FOXP1: variants seen among roughly 807,000 people sequenced by gnomAD.
FOXP1 encodes forkhead box P1.
In FOXP1, 15 loss-of-function variants were observed where a neutral mutation model predicts 98.2. The ratio of observed to expected loss-of-function variants is 0.15; its 90% CI spans 0.10 to 0.24. FOXP1 has a LOEUF of 0.24. Ranked by LOEUF, FOXP1 falls within the 10% of genes least tolerant of loss-of-function variation. The pLI, the probability that FOXP1 is intolerant of heterozygous loss-of-function variation, is 1.00. For missense variants in FOXP1, 633 were observed against 848.5 expected (o/e 0.75, Z 3.15); for synonymous variants, 371 against 314.5 (o/e 1.18, Z -1.90).
chr3:71,337,559 T>A (rs182283922), intron 4 of FOXP1, among the ~76,000 whole-genome samples: 1 of 152,218 alleles, frequency 6.6e-6, no homozygotes, highest in Non-Finnish European at 1.5e-5. Context: ...GCTATACATA[T>A]ATTATCTCAA....
intron 5 of FOXP1, among the ~76,000 whole-genome samples, chr3:71,214,671 C>T (rs1319210694): frequency 2.0e-5 from 3 of 152,240 alleles, no homozygotes; most frequent in East Asian, 1.9e-4. Context: ...CTCCTAATAA[C>T]GAGCATGCTA....
At chr3:71,127,126 G>C (rs1179767945) in intron 6 of FOXP1, among the ~76,000 whole-genome samples, 1 of 152,102 alleles carries the variant, frequency 6.6e-6, no homozygotes, top group Non-Finnish European at 1.5e-5. Context: ...TTCAACGAAG[G>C]AGTCTGAACA....
chr3:71,563,629 T>A (rs957437173), intron 2 of FOXP1, among the ~76,000 whole-genome samples: 1 of 152,222 alleles, frequency 6.6e-6, no homozygotes, highest in African/African-American at 2.4e-5. Context: ...CTTCAATATG[T>A]AAATTTTTCT....
chr3:71,505,984 C>A (rs967252412), intron 2 of FOXP1, among the ~76,000 whole-genome samples: 3 of 152,360 alleles, frequency 2.0e-5, no homozygotes, highest in Non-Finnish European at 4.4e-5. Flanking sequence ...GTCTGCCTCT[C>A]TGGGCAAGAA....
intron 6 of FOXP1, among the ~76,000 whole-genome samples, chr3:71,191,736 A>G (rs1320100799): frequency 6.6e-6 from 1 of 152,180 alleles, no homozygotes; most frequent in African/African-American, 2.4e-5. Context: ...AACAGCCCCA[A>G]AGGGAATTAA....
rs145983794 is a variant in FOXP1 at position 71,484,767 on chromosome 3, A to G, written c.-168+8659T>C. ...GGGCCTGTGTCTCAGTGTGGGCCCGAAAGTCTGTATTTAATGCGCTTCCCA... is the reference window on the plus strand; with the variant it reads ...GGGCCTGTGTCTCAGTGTGGGCCCGGAAGTCTGTATTTAATGCGCTTCCCA... On this transcript the variant is annotated intron_variant, in intron 3 of 20. Transcript: ENST00000649528. Among the ~76,000 whole-genome samples, 380 of 152,226 alleles carry G rather than the reference A, an allele frequency of 2.5e-3. 4 individuals are homozygous for G. Among genetic ancestry groups the G allele is most frequent in the Admixed American group, 4.9e-3 (75 of 15,294 alleles).
chr3:71,381,238 C>T (rs831076), intron 3 of FOXP1, among the ~76,000 whole-genome samples: 46,552 of 150,314 alleles, frequency 0.31, 9,154 homozygotes, highest in East Asian at 0.89. Flanking sequence ...GCAAGCTCCG[C>T]CTCCCGGGTT....
At chr3:71,416,588 A>ACG (rs1469244287) in intron 3 of FOXP1, among the ~76,000 whole-genome samples, 13 of 147,730 alleles carry the variant, frequency 8.8e-5, no homozygotes, top group African/African-American at 3.3e-4. Flanking sequence ...ACACACACAC[A>ACG]CACACGCAAA....
At chr3:70,969,088 A>ATAGT (rs2035609157) in intron 19 of FOXP1, 2 of 151,850 alleles carry the variant, frequency 1.3e-5, no homozygotes, top group South Asian at 4.2e-4. Context: ...AATTAGTCAC[A>ATAGT]TAGTTAAGAG....
At chr3:71,273,537 A>C (rs1487027999) in intron 5 of FOXP1, among the ~76,000 whole-genome samples, 1 of 152,196 alleles carries the variant, frequency 6.6e-6, no homozygotes. Context: ...AAACATGCCC[A>C]TCCCCCTTCA....
chr3:71,070,406 A>G (rs1016376943), intron 7 of FOXP1, among the ~76,000 whole-genome samples: 7 of 152,196 alleles, frequency 4.6e-5, no homozygotes, highest in African/African-American at 1.4e-4. Context: ...CCTTCTTAGC[A>G]GTAATGGGCC....
intron 11 of FOXP1, among the ~76,000 whole-genome samples, chr3:71,025,554 T>C (rs1348561100): frequency 6.6e-6 from 1 of 152,240 alleles, no homozygotes. Context: ...CAAGTAATTG[T>C]TGCAAACTCA....
chr3:71,226,096 T>G (rs1226492188), intron 5 of FOXP1, among the ~76,000 whole-genome samples: 1 of 152,202 alleles, frequency 6.6e-6, no homozygotes, highest in Non-Finnish European at 1.5e-5. Context: ...ACTTCTATTT[T>G]TACAGTCACT....
chr3:71,152,649 G>A (rs1462134303), intron 6 of FOXP1, among the ~76,000 whole-genome samples: 1 of 152,198 alleles, frequency 6.6e-6, no homozygotes, highest in East Asian at 1.9e-4. Context: ...TGACCTTGAG[G>A]AAGTAACCTG....
chr3:71,231,810 T>C (rs577059358), intron 5 of FOXP1, among the ~76,000 whole-genome samples: 39 of 152,256 alleles, frequency 2.6e-4, no homozygotes, highest in Admixed American at 5.2e-4. Context: ...TATCAAAGAA[T>C]GTAGGGTGTC....
At chr3:71,033,602 CAAAAAAAA>C (rs35470748) in intron 11 of FOXP1, among the ~76,000 whole-genome samples, 9 of 70,690 alleles carry the variant, frequency 1.3e-4, no homozygotes, top group African/African-American at 2.5e-4. Flanking sequence ...AGTGAACAGT[CAAAAAAAA>C]AAAAAAAAAA....
chr3:71,473,828 T>C (rs1160517014), intron 3 of FOXP1, among the ~76,000 whole-genome samples: 1 of 152,130 alleles, frequency 6.6e-6, no homozygotes, highest in Non-Finnish European at 1.5e-5. Context: ...CCCTGCAAGC[T>C]ATGACACACA....
chr3:71,502,339 A>C (rs1232234396), intron 2 of FOXP1, among the ~76,000 whole-genome samples: 1 of 152,186 alleles, frequency 6.6e-6, no homozygotes, highest in African/African-American at 2.4e-5. Flanking sequence ...GCTGGCTGCC[A>C]TCTGGGTTCT....
chr3:70,956,244 C>A lies in FOXP1; in HGVS notation c.*3003G>T. On this transcript the variant is annotated 3_prime_UTR_variant, in exon 21 of 21. Transcript: ENST00000649528. Reference sequence around the variant, plus strand: ...CAGACACATCGGGATATATGTACAACGTAATAAACCCCATCCTAAAGAAGC... The same window carrying A: ...CAGACACATCGGGATATATGTACAAAGTAATAAACCCCATCCTAAAGAAGC... 4.3e-6 allele frequency: 1 copy of A among 233,294 alleles called. No individual in the cohort carries two copies. Among genetic ancestry groups the A allele is most frequent in the Non-Finnish European group, 8.5e-6 (1 of 117,896 alleles). 14.5% of individuals were successfully genotyped at this position (233,294 alleles called of 1,614,324 possible).
Sources: allele counts gnomAD v4.1 joint callset (sites outside exome capture counted in the v4.1 genomes callset), GRCh38; gene constraint gnomAD v4.1.1; transcripts MANE v1.5; gene names NCBI Gene and HGNC (gene_info 2026-07-23, HGNC 2026-07-21).